DLGAP1: variants seen among roughly 807,000 people sequenced by gnomAD.
The protein encoded by DLGAP1 is disks large-associated protein 1.
Under a neutral mutation model 90.8 loss-of-function variants are expected in DLGAP1, and 11 were observed. The ratio of observed to expected loss-of-function variants is 0.12; its 90% confidence interval spans 0.08 to 0.20. The LOEUF (loss-of-function observed/expected upper bound fraction) is 0.20. DLGAP1 is among the 10% of genes least tolerant of loss of function. The probability of loss-of-function intolerance (pLI) is 1.00; values close to 1 mark genes in which losing one functional copy is unlikely to be tolerated. For missense variants in DLGAP1, 1,050 were observed against 1,333.8 expected (o/e 0.79, Z 3.31); for synonymous variants, 558 against 540.7 (o/e 1.03, Z -0.44).
intron 3 of DLGAP1, among the ~76,000 whole-genome samples, chr18:3,945,479 G>T (rs1420112842): frequency 1.3e-5 from 2 of 152,190 alleles, no homozygotes; most frequent in African/African-American, 4.8e-5. Context: ...GTATCATTGA[G>T]TGGTACGATT....
At chr18:3,915,300 C>A (rs2072119078) in intron 3 of DLGAP1, among the ~76,000 whole-genome samples, 1 of 152,072 alleles carries the variant, frequency 6.6e-6, no homozygotes, top group Non-Finnish European at 1.5e-5. Context: ...TCAGCTGTGA[C>A]AATTATGTAT....
chr18:4,161,306 A>G (rs1456901687), intron 1 of DLGAP1, among the ~76,000 whole-genome samples: 1 of 151,878 alleles, frequency 6.6e-6, no homozygotes, highest in East Asian at 1.9e-4. Flanking sequence ...ATGTGTTCTC[A>G]TTGTTCAACT....
chr18:3,499,374 T>A lies in DLGAP1; in HGVS notation c.2745A>T (p.Pro915=). The part of the protein sequence containing the change: ...LDKKERRAPP[P]VPKKPAKGPA... ...GGCCCTTCGCCGGCTTCTTTGGCACTGGAGGAGGGGCCCTTCTCTCCTGAT... is the reference window on the plus strand; with the variant it reads ...GGCCCTTCGCCGGCTTCTTTGGCACAGGAGGAGGGGCCCTTCTCTCCTGAT... The change falls in exon 13 of 13, where the codon CCA becomes CCT. Residue 915 remains proline (P), a synonymous_variant. Coordinates refer to ENST00000315677, the MANE Select transcript of DLGAP1 (RefSeq NM_004746.4). The surrounding 1 kb of genome is among the most constrained non-coding windows in gnomAD (Gnocchi z 6.4). 1.9e-6 allele frequency: 3 copies of A among 1,550,372 alleles called. No homozygotes were observed. Among genetic ancestry groups the A allele is most frequent in the Non-Finnish European group, 2.6e-6 (3 of 1,147,314 alleles).
At chr18:3,877,356 AC>A (rs1415150582) in intron 4 of DLGAP1, among the ~76,000 whole-genome samples, 1 of 152,256 alleles carries the variant, frequency 6.6e-6, no homozygotes, top group South Asian at 2.1e-4. Flanking sequence ...TTCATTACTA[AC>A]AAAGGCTTAT....
At chr18:3,789,334 C>T (rs928118965) in intron 5 of DLGAP1, among the ~76,000 whole-genome samples, 1 of 152,168 alleles carries the variant, frequency 6.6e-6, no homozygotes, top group African/African-American at 2.4e-5. Context: ...TGAAAAGCCC[C>T]CTTGTGATAA....
chr18:3,534,912 G>A (rs546196748), intron 9 of DLGAP1, among the ~76,000 whole-genome samples: 7 of 151,948 alleles, frequency 4.6e-5, no homozygotes, highest in Non-Finnish European at 8.8e-5. Flanking sequence ...GGTGGGTCTC[G>A]AACTACTGGC....
At chr18:4,305,658 A>G (rs1413377523) in intron 1 of DLGAP1, among the ~76,000 whole-genome samples, 1 of 152,128 alleles carries the variant, frequency 6.6e-6, no homozygotes, top group Non-Finnish European at 1.5e-5. Context: ...GTAAAGTACT[A>G]TTGTTATTTC....
At chr18:4,319,964 A>G (rs1376296503) in intron 1 of DLGAP1, among the ~76,000 whole-genome samples, 1 of 152,110 alleles carries the variant, frequency 6.6e-6, no homozygotes, top group Non-Finnish European at 1.5e-5. Context: ...AGGGAACCCC[A>G]TCCATCACTT....
chr18:4,080,966 G>T (rs970824590), intron 2 of DLGAP1, among the ~76,000 whole-genome samples: 2 of 150,754 alleles, frequency 1.3e-5, no homozygotes, highest in African/African-American at 2.4e-5. Flanking sequence ...TTGGCTCACT[G>T]CAACCTCCGC....
At chr18:3,543,315 C>T (rs976792695) in intron 9 of DLGAP1, among the ~76,000 whole-genome samples, 2 of 152,052 alleles carry the variant, frequency 1.3e-5, no homozygotes, top group South Asian at 2.1e-4. Flanking sequence ...GGACTACAGG[C>T]GCCCACCACC....
chr18:3,609,046 T>C (rs1223081696), intron 7 of DLGAP1, among the ~76,000 whole-genome samples: 1 of 152,056 alleles, frequency 6.6e-6, no homozygotes, highest in African/African-American at 2.4e-5. Context: ...ATGTTGGCCA[T>C]GTTGGTCTCA....
chr18:3,509,170 C>G (rs1328991340), intron 10 of DLGAP1, among the ~76,000 whole-genome samples: 1 of 152,074 alleles, frequency 6.6e-6, no homozygotes, highest in African/African-American at 2.4e-5. Context: ...CCATCCACAT[C>G]CTTTCTTATT....
At chr18:3,568,960 A>G (rs2054602160) in intron 8 of DLGAP1, among the ~76,000 whole-genome samples, 1 of 151,532 alleles carries the variant, frequency 6.6e-6, no homozygotes, top group African/African-American at 2.4e-5. Context: ...TGCTGGGATT[A>G]CAGCCATGAG....
chr18:4,297,369 TA>T, intron 1 of DLGAP1, among the ~76,000 whole-genome samples: 1 of 152,288 alleles, frequency 6.6e-6, no homozygotes, highest in African/African-American at 2.4e-5. Flanking sequence ...GGGAAAAATT[TA>T]TTGAAATATA....
At chr18:4,000,018 T>C (rs2074149856) in intron 3 of DLGAP1, among the ~76,000 whole-genome samples, 1 of 152,174 alleles carries the variant, frequency 6.6e-6, no homozygotes, top group East Asian at 1.9e-4. Context: ...TCTCACTTTG[T>C]TGCCCAGGCT....
chr18:4,193,954 A>G (rs2077447191), intron 1 of DLGAP1, among the ~76,000 whole-genome samples: 1 of 152,198 alleles, frequency 6.6e-6, no homozygotes, highest in Non-Finnish European at 1.5e-5. Context: ...GATTTTTTAA[A>G]AAGATTTTTG....
chr18:3,850,220 AT>A (rs756597549), intron 4 of DLGAP1, among the ~76,000 whole-genome samples: 3 of 151,996 alleles, frequency 2.0e-5, no homozygotes, highest in Non-Finnish European at 2.9e-5. Flanking sequence ...AAATACAAAA[AT>A]CTCTACTAAA....
At position 4,424,971 on chromosome 18, in the gene DLGAP1, A is replaced by G. The variant is rs369138621; in HGVS notation, c.-267+30035T>C. ...AAAATATAATTACTTCCACCTATCC[A>G]TTTACTCCAACACATATTTACTGCC... is the stretch of plus-strand genomic sequence containing the variant. On this transcript the variant is annotated intron_variant, in intron 1 of 12. Transcript: ENST00000315677. Among the ~76,000 whole-genome samples, 14 of 148,282 alleles carry G rather than the reference A, an allele frequency of 9.4e-5. No homozygotes were observed. In the East Asian group the frequency reaches 2.0e-3, roughly 21 times the overall value.
intron 4 of DLGAP1, among the ~76,000 whole-genome samples, chr18:3,852,641 T>C (rs2069407923): frequency 6.6e-6 from 1 of 152,192 alleles, no homozygotes; most frequent in African/African-American, 2.4e-5. Context: ...TACATATATA[T>C]ACCCTTTAAG....
Sources: gnomAD v4.1 joint callset for allele counts (sites outside exome capture counted in the v4.1 genomes callset) on GRCh38, gnomAD v4.1.1 for gene constraint, Gnocchi (gnomAD v3.1) non-coding constraint, MANE v1.5 for transcripts, NCBI Gene and HGNC (gene_info 2026-07-23, HGNC 2026-07-21) for gene names.